The following LAMA2 variants were observed in gnomAD, a reference collection of about 807,000 sequenced individuals.
LAMA2 encodes the protein laminin subunit alpha 2.
In LAMA2, 269 loss-of-function variants were observed where a neutral mutation model predicts 364.8. The observed-to-expected ratio is 0.74, with a 90% confidence interval of 0.67 to 0.82. The LOEUF (loss-of-function observed/expected upper bound fraction) is 0.82, where lower values mean the gene tolerates loss of function less well. Among genes scored for constraint, LAMA2 ranks in the 40% least tolerant of loss-of-function variants. LAMA2 has a pLI of 0.00. For synonymous variants in LAMA2, 1,379 were observed against 1,370.6 expected, an observed-to-expected ratio of 1.01 and a Z score of -0.14; for missense variants, 3,807 against 3,873.2, an observed-to-expected ratio of 0.98 and a Z score of 0.45.
chr6:129,294,343 T>C (rs1458152466), intron 20 of LAMA2, among the ~76,000 whole-genome samples: 1 of 152,140 alleles, frequency 6.6e-6, no homozygotes, highest in Non-Finnish European at 1.5e-5. Context: ...TAACATAGAC[T>C]AAGTGGCATG....
At chr6:129,256,235 G>A (rs1786653399) in intron 14 of LAMA2, among the ~76,000 whole-genome samples, 2 of 152,116 alleles carry the variant, frequency 1.3e-5, no homozygotes, top group African/African-American at 4.8e-5. Context: ...TTTGCTAATG[G>A]TATTATGTTG....
chr6:129,339,109 C>CTGAT (rs61163834), intron 29 of LAMA2, among the ~76,000 whole-genome samples: 100,319 of 151,666 alleles, frequency 0.66, 34,458 homozygotes, highest in Non-Finnish European at 0.77. Context: ...GATGATCACT[C>CTGAT]TGCAGTGTGG....
intron 2 of LAMA2, among the ~76,000 whole-genome samples, chr6:129,055,411 C>G (rs763003179): frequency 2.0e-5 from 3 of 151,940 alleles, no homozygotes; most frequent in Non-Finnish European, 4.4e-5. Flanking sequence ...CCAGGCTGGT[C>G]TTGAACTCTC....
chr6:128,947,787 C>T (rs370495347), intron 1 of LAMA2, among the ~76,000 whole-genome samples: 11 of 151,974 alleles, frequency 7.2e-5, no homozygotes, highest in African/African-American at 2.2e-4. Flanking sequence ...TAGAGGGAGA[C>T]GCAGGCCTGA....
intron 64 of LAMA2, among the ~76,000 whole-genome samples, chr6:129,515,481 G>A (rs1480282591): frequency 6.6e-6 from 1 of 152,054 alleles, no homozygotes; most frequent in Non-Finnish European, 1.5e-5. Flanking sequence ...CTATGATAAT[G>A]GGATCCTAAT....
chr6:129,205,674 A>G (rs551909601), intron 12 of LAMA2, among the ~76,000 whole-genome samples: 1 of 152,180 alleles, frequency 6.6e-6, no homozygotes, highest in South Asian at 2.1e-4. Flanking sequence ...TTATTAAAAA[A>G]GGAAGGAAGA....
At chr6:129,012,912 G>A (rs1321357619) in intron 1 of LAMA2, among the ~76,000 whole-genome samples, 1 of 152,114 alleles carries the variant, frequency 6.6e-6, no homozygotes, top group East Asian at 1.9e-4. Flanking sequence ...ATGCTGTAAT[G>A]TCTCTTTCCC....
chr6:129,228,852 A>T (rs1225569736), intron 12 of LAMA2, among the ~76,000 whole-genome samples: 1 of 152,238 alleles, frequency 6.6e-6, no homozygotes, highest in Non-Finnish European at 1.5e-5. Context: ...CTAATCCATT[A>T]TATGGTTTTA....
chr6:129,166,395 T>C (rs1399440553), intron 9 of LAMA2, among the ~76,000 whole-genome samples: 1 of 152,194 alleles, frequency 6.6e-6, no homozygotes, highest in African/African-American at 2.4e-5. Context: ...TAATCAAGGC[T>C]ACAATGTAGT....
intron 12 of LAMA2, among the ~76,000 whole-genome samples, chr6:129,220,838 A>T (rs1225842146): frequency 6.6e-6 from 1 of 151,040 alleles, no homozygotes; most frequent in East Asian, 1.9e-4. Flanking sequence ...ATCTCTTTTC[A>T]GCTGTGAAAA....
At chr6:129,386,672 T>C (rs1270013598) in intron 35 of LAMA2, among the ~76,000 whole-genome samples, 1 of 152,210 alleles carries the variant, frequency 6.6e-6, no homozygotes, top group Non-Finnish European at 1.5e-5. Context: ...TAAATAAATG[T>C]TATCCAAATT....
chr6:129,328,194 G>A, intron 28 of LAMA2, 84 bp from the exon 29 acceptor site: 1 of 1,233,248 alleles, frequency 8.1e-7, no homozygotes, highest in Non-Finnish European at 1.2e-6. Flanking sequence ...AGGCCAGTCT[G>A]TCTTTGCAGC....
At chr6:129,287,449 A>C (rs1789349732) in intron 18 of LAMA2, among the ~76,000 whole-genome samples, 1 of 152,154 alleles carries the variant, frequency 6.6e-6, no homozygotes, top group African/African-American at 2.4e-5. Flanking sequence ...CTGCAACAAC[A>C]ACAAAAAATG....
chr6:129,119,977 C>T (rs1329045696), intron 4 of LAMA2, among the ~76,000 whole-genome samples: 5 of 152,070 alleles, frequency 3.3e-5, no homozygotes, highest in African/African-American at 9.6e-5. Flanking sequence ...CTAGTTATAC[C>T]CATGATATGA....
chr6:129,212,806 C>T (rs1385026238), intron 12 of LAMA2, among the ~76,000 whole-genome samples: 1 of 152,190 alleles, frequency 6.6e-6, no homozygotes, highest in African/African-American at 2.4e-5. Flanking sequence ...AATATTTGGT[C>T]AGCTGTGGCT....
chr6:128,917,135 C>T (rs1029722121), intron 1 of LAMA2, among the ~76,000 whole-genome samples: 6 of 150,384 alleles, frequency 4.0e-5, no homozygotes, highest in African/African-American at 1.5e-4. Flanking sequence ...CTCTTCTTGT[C>T]CTCCCATTCT....
intron 3 of LAMA2, among the ~76,000 whole-genome samples, chr6:129,063,868 C>A (rs1789104417): frequency 6.6e-6 from 1 of 152,052 alleles, no homozygotes. Context: ...TTTTAGAATC[C>A]ATGTGAATAG....
At chr6:129,258,144 C>T (rs1367907074) in intron 14 of LAMA2, among the ~76,000 whole-genome samples, 1 of 152,010 alleles carries the variant, frequency 6.6e-6, no homozygotes, top group Non-Finnish European at 1.5e-5. Flanking sequence ...GGTTTCTGTT[C>T]TCAAGGAGTA....
intron 32 of LAMA2, among the ~76,000 whole-genome samples, chr6:129,361,576 C>T (rs1777462856): frequency 6.6e-6 from 1 of 152,194 alleles, no homozygotes; most frequent in Non-Finnish European, 1.5e-5. Flanking sequence ...TCTCACGTTG[C>T]CTCCCTTCCT....
Sources: allele counts gnomAD v4.1 joint callset (sites outside exome capture counted in the v4.1 genomes callset), GRCh38; gene constraint gnomAD v4.1.1; transcripts MANE v1.5; gene names NCBI Gene and HGNC (gene_info 2026-07-23, HGNC 2026-07-21).